SLC29A3: variants seen among roughly 807,000 people sequenced by gnomAD.
SLC29A3 encodes equilibrative nucleoside transporter 3.
SLC29A3 carries 18 observed loss-of-function variants against 25.4 expected under a neutral mutation model. The ratio of observed to expected loss-of-function variants is 0.71; its 90% CI spans 0.49 to 1.05. The LOEUF (loss-of-function observed/expected upper bound fraction) is 1.05. Ranked by LOEUF, SLC29A3 falls within the 50% of genes least tolerant of loss-of-function variation. The probability of loss-of-function intolerance (pLI) is 0.00; values close to 1 mark genes in which losing one functional copy is unlikely to be tolerated. For missense variants in SLC29A3, 586 were observed against 609.0 expected (o/e 0.96, Z 0.40); for synonymous variants, 258 against 267.1 (o/e 0.97, Z 0.33).
chr10:71,336,098 T>C (rs1254848606), intron 2 of SLC29A3, among the ~76,000 whole-genome samples: 2 of 152,172 alleles, frequency 1.3e-5, no homozygotes, highest in Non-Finnish European at 2.9e-5. Flanking sequence ...GAATAACATT[T>C]CCTTGCTGCT....
At chr10:71,360,292 C>T (rs868340982) in intron 5 of SLC29A3, among the ~76,000 whole-genome samples, 2 of 151,956 alleles carry the variant, frequency 1.3e-5, no homozygotes, top group African/African-American at 4.8e-5. Flanking sequence ...TACAGTTGCA[C>T]ACCACCATGC....
At chr10:71,321,440 G>A (rs970143695) in intron 1 of SLC29A3, among the ~76,000 whole-genome samples, 10 of 152,224 alleles carry the variant, frequency 6.6e-5, no homozygotes, top group African/African-American at 2.4e-4. Context: ...ACTGCAGAAG[G>A]GACTCTGAAG....
At chr10:71,325,583 A>G (rs1434429454) in intron 2 of SLC29A3, among the ~76,000 whole-genome samples, 1 of 152,160 alleles carries the variant, frequency 6.6e-6, no homozygotes, top group East Asian at 1.9e-4. Context: ...GACACCTGTG[A>G]GGGCCTTTTC....
intron 2 of SLC29A3, among the ~76,000 whole-genome samples, chr10:71,325,439 A>G (rs981242788): frequency 6.6e-6 from 1 of 152,252 alleles, no homozygotes; most frequent in Non-Finnish European, 1.5e-5. Flanking sequence ...ATGAAAAGGA[A>G]TAAAAATACC....
At chr10:71,363,793 C>CTTTTT (rs68033148), downstream of SLC29A3, among the ~76,000 whole-genome samples, 1 of 37,942 alleles carries the variant, frequency 2.6e-5, no homozygotes, top group Non-Finnish European at 8.6e-5. Context: ...ATTTTTTTTT[C>CTTTTT]TTTTTTTCCT....
intron 2 of SLC29A3, among the ~76,000 whole-genome samples, chr10:71,327,769 C>T (rs74147848): frequency 0.02 from 2,860 of 139,648 alleles, 109 homozygotes; most frequent in African/African-American, 0.073. Context: ...GAGAGCCTGC[C>T]CCTGGTCTGG....
Position 71,351,621 on chromosome 10 carries a change from T to C in SLC29A3, c.443T>C (p.Val148Ala). Residue 148 changes from valine (V) to alanine (A), a missense_variant, in exon 4 of 6, where the codon GTG (valine) becomes GCG (alanine). Val to Ala is a moderately conservative substitution (Grantham distance 64). Transcript: ENST00000373189. ...ACGGTCATCCTGGCCATCTTCATGG[T>C]GATAACTGCACTGGTGAAGGTGGAC... is the stretch of plus-strand genomic sequence containing the variant. ...SLTVILAIFM[V>A]ITALVKVDTS... is the part of the protein sequence containing the mutation. The C allele has an allele frequency of 6.2e-7, 1 of 1,614,190 alleles. No homozygotes were observed. Among genetic ancestry groups the C allele is most frequent in the Non-Finnish European group, 8.5e-7 (1 of 1,180,010 alleles).
At chr10:71,323,682 A>G (rs551423546) in intron 2 of SLC29A3, among the ~76,000 whole-genome samples, 1 of 152,348 alleles carries the variant, frequency 6.6e-6, no homozygotes, top group African/African-American at 2.4e-5. Context: ...TGTGCCTGCT[A>G]AAATGGGAGG....
At position 71,362,614 on chromosome 10, in the gene SLC29A3, A is replaced by C; in HGVS notation, c.*6A>C. The C allele has an allele frequency of 6.2e-7, 1 of 1,614,120 alleles. No individual in the cohort carries two copies. On this transcript the variant is annotated 3_prime_UTR_variant, in exon 6 of 6. Transcript: ENST00000373189. ...TCCTGGTGCACCTCATCTAGAAGGG[A>C]GGACACAAGGACATTGGTGCTTCAG... is the stretch of plus-strand genomic sequence containing the variant.
Position 71,362,020 on chromosome 10 carries a change from C to T in SLC29A3, c.840C>T (p.Ser280=). The T allele has an allele frequency of 3.1e-6, 5 of 1,614,146 alleles. No individual in the cohort carries two copies. Among genetic ancestry groups the T allele is most frequent in the Non-Finnish European group, 4.2e-6 (5 of 1,180,008 alleles). The change falls in exon 6 of 6, where the codon TCC becomes TCT. Residue 280 remains serine (S), a synonymous_variant. Coordinates refer to ENST00000373189, the MANE Select transcript of SLC29A3 (RefSeq NM_018344.6). ...FSGEEELPQD[S]LSAPSVASRF... is the part of the protein sequence containing the mutation. ...GTGAAGAGGAGCTTCCCCAGGACTC[C>T]CTCAGTGCCCCTTCGGTGGCCTCCA...
rs200361000 is a variant in SLC29A3, at chr10:71,348,486, G to A, written c.384-3076G>A. The stretch of plus-strand genomic sequence containing the variant: ...CGATGACAGAGCTGGGCAGGGCTCC[G>A]GTCTCCTGACTCAGGCTCCATGCCC... On this transcript the variant is annotated intron_variant, in intron 3 of 5. Coordinates refer to ENST00000373189, the MANE Select transcript of SLC29A3 (RefSeq NM_018344.6). Among the ~76,000 whole-genome samples, 8 of 152,264 alleles carry A rather than the reference G, an allele frequency of 5.3e-5. No homozygotes were observed. In the South Asian group the frequency reaches 8.3e-4, roughly 16 times the overall value.
intron 4 of SLC29A3, among the ~76,000 whole-genome samples, chr10:71,377,981 C>T (rs1278091652): frequency 6.6e-6 from 1 of 150,610 alleles, no homozygotes; most frequent in Non-Finnish European, 1.5e-5. Context: ...GGCTTGAGTT[C>T]TTAATGAGTC....
chr10:71,374,366 G>T (rs1336970534), intron 3 of SLC29A3, among the ~76,000 whole-genome samples: 1 of 152,158 alleles, frequency 6.6e-6, no homozygotes, highest in Non-Finnish European at 1.5e-5. Context: ...ATAGGCAGGG[G>T]CCAAGGGTCC....
chr10:71,366,672 G>A (rs979477743), downstream of SLC29A3, among the ~76,000 whole-genome samples: 2 of 151,902 alleles, frequency 1.3e-5, no homozygotes, highest in Admixed American at 6.6e-5. Context: ...AGAAGACTTC[G>A]GCCTCTTCAT....
Position 71,362,938 on chromosome 10 carries a change from A to C in SLC29A3, c.*330A>C. On this transcript the variant is annotated 3_prime_UTR_variant, in exon 6 of 6. Transcript: ENST00000373189. ...TGCTGCCAGTGTTCGCCCTAGAGTT[A>C]TTACAAAGCCAGTGCCAAAACCCAG... The C allele has an allele frequency of 3.9e-6, 2 of 518,298 alleles. No individual in the cohort carries two copies. The highest frequency in any genetic ancestry group is 3.1e-5 in the South Asian group (2 of 65,084). The allele number at this position is 518,298 out of a possible 1,614,324, so 32.1% of individuals were successfully genotyped here. A position where few individuals can be genotyped will look rare whatever the true frequency, so the allele number is the denominator to read the frequency against.
rs1269702794 is a variant in SLC29A3, at chr10:71,341,063, C to G, written c.301-3146C>G. Reference sequence around the variant, plus strand: ...CCAGTCTGGGGAGAGGAGAGGCGGGCGAACGATCTGTGGGCTCCTTCCAGC... The same window carrying G: ...CCAGTCTGGGGAGAGGAGAGGCGGGGGAACGATCTGTGGGCTCCTTCCAGC... On this transcript the variant is annotated intron_variant, in intron 2 of 5. Coordinates refer to ENST00000373189, the MANE Select transcript of SLC29A3 (RefSeq NM_018344.6). 2.6e-5 allele frequency among the ~76,000 whole-genome samples: 4 copies of G among 151,976 alleles called. No homozygotes were observed. In the East Asian group the frequency reaches 7.7e-4, roughly 29 times the overall value.
At chr10:71,370,931 A>C (rs561690909) in intron 3 of SLC29A3, among the ~76,000 whole-genome samples, 19 of 151,948 alleles carry the variant, frequency 1.3e-4, no homozygotes, top group Non-Finnish European at 2.2e-4. Context: ...GAAACATCTA[A>C]ATTATTTTAT....
chr10:71,357,128 T>C (rs1846934525), intron 5 of SLC29A3, among the ~76,000 whole-genome samples: 1 of 151,566 alleles, frequency 6.6e-6, no homozygotes, highest in East Asian at 2.0e-4. Flanking sequence ...AAAAAAGTTT[T>C]TGTAGGCCAG....
chr10:71,345,129 G>A (rs758130056), intron 3 of SLC29A3, among the ~76,000 whole-genome samples: 6 of 152,182 alleles, frequency 3.9e-5, no homozygotes, highest in African/African-American at 7.2e-5. Flanking sequence ...AGGGCACCAC[G>A]AGTGTCTTTT....
Sources: gnomAD v4.1 joint callset for allele counts (sites outside exome capture counted in the v4.1 genomes callset) on GRCh38, gnomAD v4.1.1 for gene constraint, MANE v1.5 for transcripts, NCBI Gene and HGNC (gene_info 2026-07-23, HGNC 2026-07-21) for gene names.